Variants in MARCHF3 observed in about 807,000 individuals in gnomAD.
MARCHF3 encodes the protein E3 ubiquitin-protein ligase MARCHF3.
Under a neutral mutation model 24.2 loss-of-function variants are expected in MARCHF3, and 13 were observed. The ratio of observed to expected loss-of-function variants is 0.54; its 90% CI spans 0.35 to 0.85. The LOEUF (loss-of-function observed/expected upper bound fraction) is 0.85. MARCHF3 is among the 40% of genes least tolerant of loss of function. MARCHF3 has a pLI of 0.01. For synonymous variants in MARCHF3, 144 were observed against 137.3 expected (o/e 1.05, Z -0.34); for missense variants, 276 against 325.0 (o/e 0.85, Z 1.16).
At chr5:126,977,522 A>G (rs987475339) in intron 1 of MARCHF3, among the ~76,000 whole-genome samples, 3 of 152,220 alleles carry the variant, frequency 2.0e-5, no homozygotes, top group Non-Finnish European at 4.4e-5. Flanking sequence ...AAACATAAAA[A>G]TGGGGTTTTA....
chr5:127,008,502 A>G (rs1752378182), intron 1 of MARCHF3, among the ~76,000 whole-genome samples: 1 of 152,260 alleles, frequency 6.6e-6, no homozygotes, highest in Non-Finnish European at 1.5e-5. Context: ...AAAATTATTC[A>G]GCACACACAA....
intron 1 of MARCHF3, among the ~76,000 whole-genome samples, chr5:126,991,051 T>A (rs1350358255): frequency 6.6e-6 from 1 of 152,218 alleles, no homozygotes; most frequent in Non-Finnish European, 1.5e-5. Flanking sequence ...TTACCGGGTA[T>A]ATACCCAAAG....
At chr5:126,992,832 C>G (rs543165393) in intron 1 of MARCHF3, among the ~76,000 whole-genome samples, 1 of 133,266 alleles carries the variant, frequency 7.5e-6, no homozygotes, top group South Asian at 2.4e-4. Context: ...AGTGCAGTGG[C>G]GCGATCTCTG....
chr5:126,889,843 A>C (rs1227834612), intron 3 of MARCHF3, among the ~76,000 whole-genome samples: 5 of 152,046 alleles, frequency 3.3e-5, no homozygotes, highest in African/African-American at 1.2e-4. Flanking sequence ...TTTTGTTCTA[A>C]ACTCTGTCTT....
intron 1 of MARCHF3, among the ~76,000 whole-genome samples, chr5:126,926,037 AT>A (rs1288128290): frequency 6.6e-6 from 1 of 152,114 alleles, no homozygotes; most frequent in African/African-American, 2.4e-5. Flanking sequence ...GCTCACACAC[AT>A]TTTTTTTAAA....
In MARCHF3 at chr5:126,873,317, ATACATTTTAG is replaced by A. The variant is rs564493137; in HGVS notation, c.604-2536_604-2527del. The stretch of plus-strand genomic sequence containing the variant: ...AAACACCTAGCACAGGGCACAGAGC[ATACATTTTAG>A]TGTTCTTGGGCTGGTATTTTGTGTG... On this transcript the variant is annotated intron_variant, in intron 4 of 4. Coordinates refer to ENST00000308660, the MANE Select transcript of MARCHF3 (RefSeq NM_178450.5). 1.1e-4 allele frequency among the ~76,000 whole-genome samples: 17 copies of A among 152,304 alleles called. No homozygotes were observed. The East Asian group carries it at 3.3e-3, about 29-fold the overall frequency.
chr5:126,961,953 C>T (rs551458007), intron 1 of MARCHF3, among the ~76,000 whole-genome samples: 10 of 152,234 alleles, frequency 6.6e-5, no homozygotes, highest in African/African-American at 2.4e-4. Flanking sequence ...TACCACTACA[C>T]AATTATATGG....
intron 1 of MARCHF3, among the ~76,000 whole-genome samples, chr5:126,981,945 A>G (rs1415578143): frequency 6.6e-6 from 1 of 152,182 alleles, no homozygotes; most frequent in East Asian, 1.9e-4. Context: ...TTTGGAAAAT[A>G]TCTAGGGCTG....
chr5:126,870,565 C>T lies in MARCHF3; in HGVS notation c.*68G>A. 1.3e-6 allele frequency: 2 copies of T among 1,493,394 alleles called. No individual in the cohort carries two copies. Among genetic ancestry groups the T allele is most frequent in the Non-Finnish European group, 1.9e-6 (2 of 1,077,890 alleles). 92.5% of individuals were successfully genotyped at this position (1,493,394 alleles called of 1,614,324 possible). On this transcript the variant is annotated 3_prime_UTR_variant, in exon 5 of 5. Transcript: ENST00000308660. Reference sequence around the variant, plus strand: ...GGAAGGGCTTGGGGGTCGCTCAGTGCATGACCCCAGTGCAGACACTTCCAA... The same window carrying T: ...GGAAGGGCTTGGGGGTCGCTCAGTGTATGACCCCAGTGCAGACACTTCCAA...
At chr5:126,895,913 T>C (rs931432243) in intron 3 of MARCHF3, among the ~76,000 whole-genome samples, 2 of 152,154 alleles carry the variant, frequency 1.3e-5, no homozygotes, top group Non-Finnish European at 2.9e-5. Flanking sequence ...CCCCCAGCCT[T>C]GCTGTGGCCT....
chr5:127,023,010 TTGGTCTGTACACATGGACGCA>T (rs764769228), intron 1 of MARCHF3, among the ~76,000 whole-genome samples: 9 of 152,210 alleles, frequency 5.9e-5, no homozygotes, highest in Non-Finnish European at 1.2e-4. Context: ...CAGCTGATCC[TTGGTCTGTACACATGGACGCA>T]TGGTCTGTAC....
Position 126,898,769 on chromosome 5 carries a change from C to T in MARCHF3, c.393+16161G>A, listed in dbSNP as rs1754008682. On this transcript the variant is annotated intron_variant, in intron 3 of 4. Transcript: ENST00000308660. ...CATATAAGTTATATTAGCCATTTTC[C>T]CTCGGAGCCCTAAAAGACTTTGAAC... 6.6e-6 allele frequency: 5 copies of T among 760,310 alleles called. No individual in the cohort carries two copies. The South Asian group carries it at 1.8e-4, about 28-fold the overall frequency. 47.1% of individuals were successfully genotyped at this position (760,310 alleles called of 1,614,324 possible).
At chr5:126,930,855 C>G (rs1433036680) in intron 1 of MARCHF3, among the ~76,000 whole-genome samples, 1 of 152,146 alleles carries the variant, frequency 6.6e-6, no homozygotes, top group Non-Finnish European at 1.5e-5. Flanking sequence ...TTTTTGTTCT[C>G]TAAGAGCAGG....
At chr5:126,917,111 G>A (rs1343867512) in intron 2 of MARCHF3, among the ~76,000 whole-genome samples, 1 of 152,160 alleles carries the variant, frequency 6.6e-6, no homozygotes, top group African/African-American at 2.4e-5. Context: ...AGAGAATAAG[G>A]TGTGAATGAC....
At chr5:126,902,286 C>T (rs2126783622) in intron 3 of MARCHF3, among the ~76,000 whole-genome samples, 1 of 152,158 alleles carries the variant, frequency 6.6e-6, no homozygotes, top group East Asian at 1.9e-4. Context: ...TTATAGTATT[C>T]TTTGTCCTCT....
At chr5:126,915,162 G>C in intron 2 of MARCHF3, 28 bp from the exon 3 acceptor site, 1 of 1,607,686 alleles carries the variant, frequency 6.2e-7, no homozygotes, top group Non-Finnish European at 8.5e-7. Flanking sequence ...GCACCTGCTG[G>C]TCACTGGGCT....
At chr5:126,990,309 T>G (rs1327169697) in intron 1 of MARCHF3, among the ~76,000 whole-genome samples, 2 of 152,070 alleles carry the variant, frequency 1.3e-5, no homozygotes, top group African/African-American at 4.8e-5. Flanking sequence ...GGATTCCCTA[T>G]GTAATAAATC....
rs938381206 is a variant in MARCHF3 at position 126,878,377 on chromosome 5, G to C, written c.411C>G (p.Gly137=). ...RPLVEWLRNP[G]PQHEKRTLFG... ...ACAGAGTCCGCTTCTCATGCTGGGG[G>C]CCAGGGTTTCTCAGCCACTGCCAGG... The change falls in exon 4 of 5, where the codon GGC becomes GGG. Residue 137 remains glycine, a synonymous_variant. Transcript: ENST00000308660. 1 of 1,613,064 alleles carries C rather than the reference G, an allele frequency of 6.2e-7. No homozygotes were observed. The highest frequency in any genetic ancestry group is 1.3e-5 in the African/African-American group (1 of 74,926).
chr5:126,925,589 A>G (rs1469857666), intron 1 of MARCHF3, among the ~76,000 whole-genome samples: 1 of 152,180 alleles, frequency 6.6e-6, no homozygotes, highest in Non-Finnish European at 1.5e-5. Flanking sequence ...TGAAAATGGC[A>G]ATTAAAAATC....
Sources: gnomAD v4.1 joint callset for allele counts (sites outside exome capture counted in the v4.1 genomes callset) on GRCh38, gnomAD v4.1.1 for gene constraint, MANE v1.5 for transcripts, NCBI Gene and HGNC (gene_info 2026-07-23, HGNC 2026-07-21) for gene names.